Variants in MYO5B observed in about 807,000 individuals in gnomAD.
The protein encoded by MYO5B is unconventional myosin-Vb.
MYO5B carries 143 observed loss-of-function variants against 229.3 expected under a neutral mutation model. That is an observed-to-expected ratio of 0.62 (90% confidence interval 0.54 to 0.72). The LOEUF (loss-of-function observed/expected upper bound fraction) is 0.72, where lower values mean the gene tolerates loss of function less well. Ranked by LOEUF, MYO5B falls within the 30% of genes least tolerant of loss-of-function variation. MYO5B has a pLI of 0.00. For synonymous variants in MYO5B, 918 were observed against 885.2 expected (o/e 1.04, Z -0.66); for missense variants, 2,321 against 2,331.0 (o/e 1.00, Z 0.09).
At chr18:50,126,902 T>C (rs909900261) in intron 1 of MYO5B, among the ~76,000 whole-genome samples, 19 of 152,352 alleles carry the variant, frequency 1.2e-4, no homozygotes, top group African/African-American at 4.6e-4. Flanking sequence ...ATAGGGTTAT[T>C]AAATGAGCTG....
At position 49,836,832 on chromosome 18, in the gene MYO5B, C is replaced by T; in HGVS notation, c.5192G>A (p.Ser1731Asn). The change falls in exon 38 of 40, where the codon AGT becomes AAT. Residue 1731 changes from serine (S) to asparagine (N), a missense_variant. By Grantham distance (46) the Ser-to-Asn change is conservative. This residue lies in a region of MYO5B where 208 missense variants were observed against 286.3 expected (regional missense o/e 0.73). Coordinates refer to ENST00000285039, the MANE Select transcript of MYO5B (RefSeq NM_001080467.3). ...AGGTTCCATGGTCTGAACTGCTCCA[C>T]TCTGGTGAAGGTTTCTTCCCCGAAG... ...EWLRGRNLHQ[S>N]GAVQTMEPLI... 2 of 1,614,228 alleles carry T rather than the reference C, an allele frequency of 1.2e-6. No individual in the cohort carries two copies. The highest frequency in any genetic ancestry group is 1.7e-6 in the Non-Finnish European group (2 of 1,180,044).
intron 12 of MYO5B, 85 bp downstream of exon 12, chr18:49,962,181 G>A (rs1174942191): frequency 2.5e-6 from 4 of 1,577,652 alleles, no homozygotes; most frequent in Non-Finnish European, 3.5e-6. Flanking sequence ...GATCACAGAT[G>A]AAATTCCACC....
chr18:50,094,956 T>A (rs1211360233), intron 1 of MYO5B, among the ~76,000 whole-genome samples: 1 of 152,160 alleles, frequency 6.6e-6, no homozygotes, highest in Admixed American at 6.5e-5. Flanking sequence ...GCCTCCTGAG[T>A]AGCTGGCACT....
chr18:49,942,512 T>C (rs1437633641), intron 14 of MYO5B, among the ~76,000 whole-genome samples: 1 of 151,202 alleles, frequency 6.6e-6, no homozygotes, highest in African/African-American at 2.4e-5. Context: ...TCAAACAAAT[T>C]TACAAGAAAA....
intron 1 of MYO5B, among the ~76,000 whole-genome samples, chr18:50,163,367 C>T (rs2032798672): frequency 7.4e-6 from 1 of 135,230 alleles, no homozygotes; most frequent in Non-Finnish European, 1.6e-5. Flanking sequence ...CAAACAAGGG[C>T]ACCATTCATG....
intron 22 of MYO5B, 37 bp from the exon 23 acceptor site, chr18:49,880,492 G>A (rs376091871): frequency 3.7e-5 from 56 of 1,522,590 alleles, no homozygotes; most frequent in Non-Finnish European, 4.6e-5. Flanking sequence ...GTCTCATGAT[G>A]CTGGGAAGAG....
chr18:50,121,504 C>T (rs187474166), intron 1 of MYO5B, among the ~76,000 whole-genome samples: 15 of 152,342 alleles, frequency 9.8e-5, no homozygotes, highest in Non-Finnish European at 4.4e-5. Context: ...CACCAGAGGA[C>T]TCCTTTAAAT....
At chr18:50,189,222 A>G (rs2033195048) in intron 1 of MYO5B, among the ~76,000 whole-genome samples, 1 of 152,212 alleles carries the variant, frequency 6.6e-6, no homozygotes, top group African/African-American at 2.4e-5. Context: ...TGATCCTGAG[A>G]CAAGGATTCC....
At chr18:49,875,641 T>C (rs1298400899) in intron 26 of MYO5B, 46 bp downstream of exon 26, 1 of 1,612,704 alleles carries the variant, frequency 6.2e-7, no homozygotes, top group Admixed American at 1.7e-5. Flanking sequence ...AGCTAGATTG[T>C]TCTCTCATCC....
At chr18:50,150,976 T>C (rs1433348469) in intron 1 of MYO5B, among the ~76,000 whole-genome samples, 1 of 152,188 alleles carries the variant, frequency 6.6e-6, no homozygotes, top group South Asian at 2.1e-4. Flanking sequence ...TAAATGGTCA[T>C]AGTCACTAGC....
chr18:50,190,015 T>A (rs558962146), intron 1 of MYO5B, among the ~76,000 whole-genome samples: 1 of 152,284 alleles, frequency 6.6e-6, no homozygotes, highest in South Asian at 2.1e-4. Flanking sequence ...ACACTACCTA[T>A]CAATTAGAAG....
intron 22 of MYO5B, among the ~76,000 whole-genome samples, chr18:49,881,329 A>G (rs1195257375): frequency 6.6e-6 from 1 of 152,208 alleles, no homozygotes. Flanking sequence ...GGACCAGCAC[A>G]GTTCAAATTC....
At chr18:49,906,354 A>G (rs1598873048) in intron 19 of MYO5B, 65 bp downstream of exon 19, 1 of 1,506,282 alleles carries the variant, frequency 6.6e-7, no homozygotes, top group East Asian at 2.3e-5. Flanking sequence ...CAAGTAGCTG[A>G]GAAAGGCAGA....
intron 1 of MYO5B, among the ~76,000 whole-genome samples, chr18:50,086,120 A>G (rs919159293): frequency 2.6e-5 from 4 of 152,182 alleles, no homozygotes; most frequent in African/African-American, 9.6e-5. Flanking sequence ...GACTTTTTGA[A>G]GTACAGAGTT....
intron 14 of MYO5B, among the ~76,000 whole-genome samples, chr18:49,939,148 CTTTTT>C (rs11313115): frequency 1.2e-4 from 14 of 119,040 alleles, no homozygotes; most frequent in Non-Finnish European, 1.6e-4. Context: ...TCTTTTTTTT[CTTTTT>C]TTTTTTTTTT....
At chr18:49,963,411 A>T (rs145187156) in intron 10 of MYO5B, among the ~76,000 whole-genome samples, 2,145 of 148,410 alleles carry the variant, frequency 0.014, 25 homozygotes, top group African/African-American at 0.032. Context: ...TTAATTAATT[A>T]ATTAATTTAT....
intron 26 of MYO5B, among the ~76,000 whole-genome samples, chr18:49,873,949 T>C (rs925082135): frequency 3.3e-5 from 5 of 152,202 alleles, no homozygotes; most frequent in African/African-American, 9.7e-5. Flanking sequence ...GCATGGCCTC[T>C]CTCTGCAGTT....
intron 1 of MYO5B, among the ~76,000 whole-genome samples, chr18:50,101,920 A>G (rs1349942993): frequency 1.3e-5 from 2 of 152,224 alleles, no homozygotes; most frequent in Non-Finnish European, 2.9e-5. Flanking sequence ...TTTTACTATA[A>G]AGACACACAC....
At chr18:50,130,656 C>T (rs2032241133) in intron 1 of MYO5B, among the ~76,000 whole-genome samples, 1 of 152,114 alleles carries the variant, frequency 6.6e-6, no homozygotes, top group Non-Finnish European at 1.5e-5. Flanking sequence ...TCATGAACAC[C>T]AGGCCTGAAT....
Sources: gnomAD v4.1 joint callset for allele counts (sites outside exome capture counted in the v4.1 genomes callset) on GRCh38, gnomAD v4.1.1 for gene constraint, gnomAD v4.1.1 regional missense constraint, MANE v1.5 for transcripts, NCBI Gene and HGNC (gene_info 2026-07-23, HGNC 2026-07-21) for gene names.